ATP8B1: variants seen among roughly 807,000 people sequenced by gnomAD.
ATP8B1 encodes the protein ATPase phospholipid transporting 8B1.
In ATP8B1, 80 loss-of-function variants were observed where a neutral mutation model predicts 149.9. The observed-to-expected ratio is 0.53, with a 90% CI of 0.45 to 0.64. The LOEUF (loss-of-function observed/expected upper bound fraction) is 0.64, where lower values mean the gene tolerates loss of function less well. Ranked by LOEUF, ATP8B1 falls within the 30% of genes least tolerant of loss-of-function variation. ATP8B1 has a pLI of 0.00. For missense variants in ATP8B1, 1,247 were observed against 1,552.6 expected (o/e 0.80, Z 3.31); for synonymous variants, 536 against 562.8 (o/e 0.95, Z 0.67).
At chr18:57,654,478 C>G (rs1909852504) in intron 23 of ATP8B1, among the ~76,000 whole-genome samples, 1 of 151,890 alleles carries the variant, frequency 6.6e-6, no homozygotes, top group South Asian at 2.1e-4. Context: ...GCCACCATGT[C>G]TGGCTAATTT....
chr18:57,739,743 A>C (rs1205976988), intron 1 of ATP8B1, among the ~76,000 whole-genome samples: 4 of 152,244 alleles, frequency 2.6e-5, no homozygotes, highest in African/African-American at 4.8e-5. Flanking sequence ...GTCAGAAGTC[A>C]TACAAGATGA....
chr18:57,717,086 A>C (rs1454339411), intron 2 of ATP8B1, among the ~76,000 whole-genome samples: 1 of 152,260 alleles, frequency 6.6e-6, no homozygotes, highest in Non-Finnish European at 1.5e-5. Flanking sequence ...GGGTCAATGA[A>C]GAAATTAAAC....
rs9948884 is a variant in ATP8B1, at chr18:57,784,244, G to A, written c.-26+18754C>T. Among the ~76,000 whole-genome samples, 53,842 of 151,980 alleles carry A rather than the reference G, an allele frequency of 0.35. 10,242 individuals carry two copies. The highest frequency in any genetic ancestry group is 0.44 in the African/African-American group (18,331 of 41,422). Reference sequence around the variant, plus strand: ...CAGGGGGAAGCCGGGGTCAGGGCGGGCTGGGCATAGAGAGCTGTGGAGAGA... The same window carrying A: ...CAGGGGGAAGCCGGGGTCAGGGCGGACTGGGCATAGAGAGCTGTGGAGAGA... On this transcript the variant is annotated intron_variant, in intron 1 of 27. Transcript: ENST00000648908. The surrounding 1 kb of genome is among the most constrained non-coding windows in gnomAD (Gnocchi z 4.4).
chr18:57,683,901 G>A, intron 15 of ATP8B1, 135 bp downstream of exon 15: 2 of 1,170,032 alleles, frequency 1.7e-6, no homozygotes, highest in South Asian at 1.3e-5. Flanking sequence ...AGTGGTAAGT[G>A]CTGAGAAATA....
intron 1 of ATP8B1, among the ~76,000 whole-genome samples, chr18:57,754,793 GGCC>G (rs1240282778): frequency 6.6e-6 from 1 of 152,118 alleles, no homozygotes; most frequent in Non-Finnish European, 1.5e-5. Context: ...TACTGTCTCA[GGCC>G]ACAGGAAAAT....
intron 1 of ATP8B1, among the ~76,000 whole-genome samples, chr18:57,768,566 C>A: frequency 3.3e-5 from 3 of 90,610 alleles, no homozygotes; most frequent in African/African-American, 8.5e-5. Flanking sequence ...TCTAAAAGGC[C>A]ATTTTTACTG....
chr18:57,717,369 C>T (rs773023259), intron 2 of ATP8B1, among the ~76,000 whole-genome samples: 2 of 151,386 alleles, frequency 1.3e-5, no homozygotes, highest in East Asian at 1.9e-4. Context: ...CACACTGAAA[C>T]CCCATTGCTA....
At chr18:57,714,761 A>G (rs1297493359) in intron 2 of ATP8B1, among the ~76,000 whole-genome samples, 3 of 152,212 alleles carry the variant, frequency 2.0e-5, no homozygotes, top group African/African-American at 7.2e-5. Flanking sequence ...CCTAATGCAG[A>G]TATGGGTTCA....
intron 2 of ATP8B1, among the ~76,000 whole-genome samples, chr18:57,730,361 C>T (rs1378493940): frequency 2.1e-5 from 3 of 143,116 alleles, no homozygotes; most frequent in Admixed American, 7.3e-5. Flanking sequence ...TGCAGGGAGG[C>T]GTGTCTGGAG....
chr18:57,682,671 C>T (rs1490454832), intron 15 of ATP8B1, among the ~76,000 whole-genome samples: 1 of 152,098 alleles, frequency 6.6e-6, no homozygotes, highest in Admixed American at 6.6e-5. Context: ...GACCTGGTAT[C>T]GCCCCTTTCT....
At chr18:57,655,517 A>G (rs1909940286) in intron 22 of ATP8B1, 100 bp from the exon 23 acceptor site, 2 of 1,051,714 alleles carry the variant, frequency 1.9e-6, no homozygotes, top group Admixed American at 1.8e-5. Context: ...AAACAAAGAC[A>G]GACATTGATG....
chr18:57,713,240 C>CTTCCTTCCTTCTTTCTTTCT (rs1555694278), intron 2 of ATP8B1, among the ~76,000 whole-genome samples: 22 of 64,912 alleles, frequency 3.4e-4, no homozygotes, highest in East Asian at 3.3e-3. Context: ...TCCTTCCTTC[C>CTTCCTTCCTTCTTTCTTTCT]TTCTTTCTTT....
rs763026100 is a variant in ATP8B1, at chr18:57,697,612, A to C, written c.698+6T>G. 42 of 1,613,770 alleles carry C rather than the reference A, an allele frequency of 2.6e-5. No homozygotes were observed. The highest frequency in any genetic ancestry group is 3.6e-5 in the Non-Finnish European group (42 of 1,179,782). ...CTTTAAATCAGGCCCATCGAGACAC[A>C]CTTACCCATCCAGTTCTGCTGTTTC... On this transcript the variant is annotated splice_donor_region_variant and intron_variant, in intron 8 of 27. Coordinates refer to ENST00000648908, the MANE Select transcript of ATP8B1 (RefSeq NM_001374385.1).
chr18:57,764,407 TTCTCTCTTTCTC>T (rs1265132354), intron 1 of ATP8B1, among the ~76,000 whole-genome samples: 1 of 127,114 alleles, frequency 7.9e-6, no homozygotes, highest in Non-Finnish European at 1.8e-5. Flanking sequence ...CTTTCTTTCT[TTCTCTCTTTCTC>T]TCTTTCTTTC....
At chr18:57,718,803 A>G (rs1032253215) in intron 2 of ATP8B1, among the ~76,000 whole-genome samples, 4 of 152,200 alleles carry the variant, frequency 2.6e-5, no homozygotes, top group African/African-American at 9.7e-5. Context: ...CTGAAAAAGA[A>G]TTTGATACAA....
intron 1 of ATP8B1, among the ~76,000 whole-genome samples, chr18:57,745,273 C>G (rs1056989295): frequency 1.1e-4 from 16 of 151,916 alleles, no homozygotes; most frequent in Non-Finnish European, 2.1e-4. Flanking sequence ...CTTACTGAAA[C>G]AAATTTTTTT....
chr18:57,706,986 G>A (rs1431938601), intron 2 of ATP8B1, among the ~76,000 whole-genome samples: 1 of 152,204 alleles, frequency 6.6e-6, no homozygotes, highest in African/African-American at 2.4e-5. Flanking sequence ...GAAAGCTGGA[G>A]GCAAGCATGC....
chr18:57,775,587 T>C (rs1042087089), intron 1 of ATP8B1, among the ~76,000 whole-genome samples: 1 of 151,276 alleles, frequency 6.6e-6, no homozygotes, highest in Non-Finnish European at 1.5e-5. Flanking sequence ...TTGTTCTACC[T>C]AGAGCAAGAG....
intron 1 of ATP8B1, among the ~76,000 whole-genome samples, chr18:57,761,379 C>A (rs774103078): frequency 6.6e-6 from 1 of 152,150 alleles, no homozygotes; most frequent in Non-Finnish European, 1.5e-5. Context: ...CATGGCACCA[C>A]GAGCAGTACG....
Sources: allele counts gnomAD v4.1 joint callset (sites outside exome capture counted in the v4.1 genomes callset), GRCh38; gene constraint gnomAD v4.1.1; non-coding constraint Gnocchi (gnomAD v3.1); transcripts MANE v1.5; gene names NCBI Gene and HGNC (gene_info 2026-07-23, HGNC 2026-07-21).